ARHGAP10: variants seen among roughly 807,000 people sequenced by gnomAD.
ARHGAP10 encodes the protein Rho GTPase activating protein 10.
Under a neutral mutation model 108.6 loss-of-function variants are expected in ARHGAP10, and 87 were observed. The ratio of observed to expected loss-of-function variants is 0.80; its 90% confidence interval spans 0.67 to 0.96. The LOEUF (loss-of-function observed/expected upper bound fraction) is 0.96. ARHGAP10 is among the 40% of genes least tolerant of loss of function. The probability of loss-of-function intolerance (pLI) is 0.00; values close to 1 mark genes in which losing one functional copy is unlikely to be tolerated. For missense variants in ARHGAP10, 939 were observed against 954.5 expected (o/e 0.98, Z 0.21); for synonymous variants, 347 against 341.1 (o/e 1.02, Z -0.19).
intron 12 of ARHGAP10, 110 bp downstream of exon 12, chr4:147,909,887 A>G: frequency 2.0e-6 from 2 of 1,021,122 alleles, no homozygotes; most frequent in Non-Finnish European, 3.0e-6. Context: ...ACCCTCTATT[A>G]GACAGAGGGG....
chr4:148,036,104 G>GTA (rs1553974002), intron 19 of ARHGAP10, among the ~76,000 whole-genome samples: 2 of 150,458 alleles, frequency 1.3e-5, no homozygotes, highest in Admixed American at 6.6e-5. Context: ...GTGTGTGTGT[G>GTA]TATACTTTTC....
In ARHGAP10 at chr4:147,755,834, C is replaced by CAAA. The variant is rs1729346523; in HGVS notation, c.154+23379_154+23380insAAA. On this transcript the variant is annotated intron_variant, in intron 1 of 22. Coordinates refer to ENST00000336498, the MANE Select transcript of ARHGAP10 (RefSeq NM_024605.4). The stretch of plus-strand genomic sequence containing the variant: ...GTGTGTGTAGTGCATTATGAGTCAG[C>CAAA]CTCTGTGGCTGTTTGCTGTGTATTT... 3.3e-5 allele frequency among the ~76,000 whole-genome samples: 5 copies of CAAA among 152,096 alleles called. No individual in the cohort carries two copies. In the East Asian group the frequency reaches 9.7e-4, roughly 29 times the overall value.
At chr4:147,998,212 C>G (rs1259710646) in intron 18 of ARHGAP10, among the ~76,000 whole-genome samples, 1 of 152,044 alleles carries the variant, frequency 6.6e-6, no homozygotes, top group African/African-American at 2.4e-5. Context: ...AAGAGATAAA[C>G]TGTGGGCTAG....
At chr4:147,946,565 C>A in intron 14 of ARHGAP10, 52 bp from the exon 15 acceptor site, 1 of 1,509,294 alleles carries the variant, frequency 6.6e-7, no homozygotes, top group Non-Finnish European at 9.1e-7. Flanking sequence ...GACAAGAGGA[C>A]CTTTGATGAT....
Position 147,822,723 on chromosome 4 carries a change from C to G in ARHGAP10, c.155-4C>G, listed in dbSNP as rs766296975. The G allele has an allele frequency of 6.2e-7, 1 of 1,613,560 alleles. No individual in the cohort carries two copies. The highest frequency in any genetic ancestry group is 1.3e-5 in the African/African-American group (1 of 74,906). On this transcript the variant is annotated splice_polypyrimidine_tract_variant and splice_region_variant and intron_variant, in intron 1 of 22. Coordinates refer to ENST00000336498, the MANE Select transcript of ARHGAP10 (RefSeq NM_024605.4). ...CCAAGTCATCATTATACTTTTCTTT[C>G]TAGGTCTGTCAGTGGCCCAGCGGAA...
chr4:147,804,936 G>C (rs988272170), intron 1 of ARHGAP10, among the ~76,000 whole-genome samples: 3 of 152,120 alleles, frequency 2.0e-5, no homozygotes, highest in African/African-American at 7.2e-5. Context: ...TGTTTACTCT[G>C]TTGATAGTTT....
At chr4:147,952,801 GTGGCTATAT>G (rs1228932408) in intron 15 of ARHGAP10, among the ~76,000 whole-genome samples, 1 of 151,950 alleles carries the variant, frequency 6.6e-6, no homozygotes, top group Non-Finnish European at 1.5e-5. Flanking sequence ...CTGTGCTTTT[GTGGCTATAT>G]TAAGAAACCT....
intron 13 of ARHGAP10, among the ~76,000 whole-genome samples, chr4:147,930,902 G>A (rs1336225902): frequency 6.6e-6 from 1 of 152,100 alleles, no homozygotes; most frequent in Non-Finnish European, 1.5e-5. Flanking sequence ...AACTATCCCA[G>A]AACATCTTAT....
At chr4:148,019,409 T>C (rs994903228) in intron 18 of ARHGAP10, among the ~76,000 whole-genome samples, 1 of 152,214 alleles carries the variant, frequency 6.6e-6, no homozygotes, top group Non-Finnish European at 1.5e-5. Context: ...ACAGGCATTA[T>C]GGTTCTCATT....
At chr4:147,818,140 C>T (rs2126780682) in intron 1 of ARHGAP10, among the ~76,000 whole-genome samples, 1 of 151,408 alleles carries the variant, frequency 6.6e-6, no homozygotes, top group African/African-American at 2.4e-5. Context: ...ATCTCTGAAC[C>T]TATTTTTTTT....
At chr4:147,899,946 A>G (rs995027357) in intron 10 of ARHGAP10, among the ~76,000 whole-genome samples, 4 of 148,484 alleles carry the variant, frequency 2.7e-5, no homozygotes, top group African/African-American at 1.0e-4. Flanking sequence ...TGTTACCATT[A>G]TAAGTTTTGA....
chr4:148,001,801 A>G (rs561553397), intron 18 of ARHGAP10, among the ~76,000 whole-genome samples: 6 of 152,342 alleles, frequency 3.9e-5, no homozygotes, highest in Admixed American at 2.6e-4. Context: ...TACCAGCTTA[A>G]GGAGATTTTG....
intron 20 of ARHGAP10, among the ~76,000 whole-genome samples, chr4:148,053,774 C>G (rs765842726): frequency 6.6e-6 from 1 of 152,186 alleles, no homozygotes; most frequent in Non-Finnish European, 1.5e-5. Flanking sequence ...CCCTTACATG[C>G]TTCGATACAC....
At chr4:148,035,647 C>T (rs1233947737) in intron 19 of ARHGAP10, among the ~76,000 whole-genome samples, 3 of 152,192 alleles carry the variant, frequency 2.0e-5, no homozygotes, top group African/African-American at 7.2e-5. Flanking sequence ...ATTACTTGAG[C>T]TTGCAGTGTA....
intron 1 of ARHGAP10, among the ~76,000 whole-genome samples, chr4:147,798,734 T>A (rs1731422539): frequency 1.7e-4 from 2 of 11,580 alleles, no homozygotes; most frequent in Admixed American, 1.1e-3. Flanking sequence ...ACTCTCTCTC[T>A]CTCTCTCTCT....
chr4:148,068,092 G>A (rs1199645682), intron 22 of ARHGAP10, among the ~76,000 whole-genome samples: 2 of 152,090 alleles, frequency 1.3e-5, no homozygotes, highest in African/African-American at 4.8e-5. Context: ...GGGAATCCTG[G>A]AAATAGGTTT....
At chr4:147,949,440 C>T (rs1738511464) in intron 15 of ARHGAP10, among the ~76,000 whole-genome samples, 1 of 152,196 alleles carries the variant, frequency 6.6e-6, no homozygotes, top group Non-Finnish European at 1.5e-5. Flanking sequence ...GGTTTTGTCC[C>T]TCAGTGGGAT....
chr4:147,784,015 A>C (rs573275291), intron 1 of ARHGAP10, among the ~76,000 whole-genome samples: 292 of 138,886 alleles, frequency 2.1e-3, no homozygotes, highest in Non-Finnish European at 3.6e-3. Context: ...AAATTATTAT[A>C]TAATTATATA....
At chr4:148,004,731 T>A (rs1740874697) in intron 18 of ARHGAP10, among the ~76,000 whole-genome samples, 1 of 152,202 alleles carries the variant, frequency 6.6e-6, no homozygotes, top group Non-Finnish European at 1.5e-5. Flanking sequence ...GGAAGCAGAT[T>A]GATCCCCAGT....
Sources: gnomAD v4.1 joint callset for allele counts (sites outside exome capture counted in the v4.1 genomes callset) on GRCh38, gnomAD v4.1.1 for gene constraint, MANE v1.5 for transcripts, NCBI Gene and HGNC (gene_info 2026-07-23, HGNC 2026-07-21) for gene names.